CFAP52: variants seen among roughly 807,000 people sequenced by gnomAD.
CFAP52 encodes cilia- and flagella-associated protein 52.
Under a neutral mutation model 70.5 loss-of-function variants are expected in CFAP52, and 57 were observed. The ratio of observed to expected loss-of-function variants is 0.81; its 90% CI spans 0.65 to 1.01. CFAP52 has a LOEUF of 1.01. Ranked by LOEUF, CFAP52 falls within the 50% of genes least tolerant of loss-of-function variation. The pLI, the probability that CFAP52 is intolerant of heterozygous loss-of-function variation, is 0.00. For missense variants in CFAP52, 785 were observed against 788.5 expected (o/e 1.00, Z 0.05); for synonymous variants, 267 against 292.5 (o/e 0.91, Z 0.89).
Position 9,612,401 on chromosome 17 carries a change from G to T in CFAP52, c.947G>T (p.Arg316Leu), listed in dbSNP as rs1056801078. 1.2e-6 allele frequency: 2 copies of T among 1,614,178 alleles called. No homozygotes were observed. The highest frequency in any genetic ancestry group is 1.7e-5 in the Admixed American group (1 of 60,032). Residue 316 changes from arginine (R) to leucine (L), a missense_variant, in exon 8 of 14, where the codon CGT becomes CTT. Arg to Leu is a moderately radical substitution (Grantham distance 102). Transcript: ENST00000352665. ...LVGTEESHIY[R>L]VSFTDFKETL... ...GGAACAGAAGAATCGCACATTTATC[G>T]TGTCAGCTTCACGGATTTCAAAGAG...
chr17:9,604,740 ACT>A (rs1180582862), intron 6 of CFAP52, among the ~76,000 whole-genome samples: 6 of 148,074 alleles, frequency 4.1e-5, no homozygotes, highest in African/African-American at 5.0e-5. Flanking sequence ...ACACAGCAAG[ACT>A]CTGTCTCAAA....
At chr17:9,645,515 G>T (rs1459162274), downstream of CFAP52, 19 of 1,006,350 alleles carry the variant, frequency 1.9e-5, no homozygotes. The surrounding 1 kb of genome is among the most constrained non-coding windows in gnomAD (Gnocchi z 6.8). Context: ...CCCCGTCCCC[G>T]CACACCTGGC....
intron 1 of CFAP52, among the ~76,000 whole-genome samples, chr17:9,584,578 A>G (rs1908366350): frequency 7.6e-6 from 1 of 130,964 alleles, no homozygotes; most frequent in African/African-American, 2.7e-5. Context: ...AAAACACTTA[A>G]GATCAACTCT....
At position 9,594,312 on chromosome 17, in the gene CFAP52, CT is replaced by C; in HGVS notation, c.528del (p.Ala177LeufsTer28). 1 of 1,612,728 alleles carries C rather than the reference CT, an allele frequency of 6.2e-7. No individual in the cohort carries two copies. The part of the protein sequence containing the change: ...FSRCRDEMFM[T>X]AGNGTIRVWE... ...AGGTGCCGGGATGAGATGTTTATGA[CT>C]GCTGGAAAGTATGTGTCTGCGTTCG... On this transcript the variant is annotated frameshift_variant, in exon 4 of 14. Coordinates refer to ENST00000352665, the MANE Select transcript of CFAP52 (RefSeq NM_145054.5). LOFTEE classifies it high-confidence loss of function.
chr17:9,629,044 G>C (rs1233012667), intron 9 of CFAP52, among the ~76,000 whole-genome samples: 1 of 152,132 alleles, frequency 6.6e-6, no homozygotes, highest in Non-Finnish European at 1.5e-5. Flanking sequence ...CCACATTGCT[G>C]CATATAGCGT....
chr17:9,581,268 A>C (rs1908217400), intron 1 of CFAP52, among the ~76,000 whole-genome samples: 1 of 152,218 alleles, frequency 6.6e-6, no homozygotes, highest in Non-Finnish European at 1.5e-5. Flanking sequence ...CAGCATTGTG[A>C]ATGCACTAAA....
chr17:9,590,645 C>A (rs1413387135), intron 3 of CFAP52, among the ~76,000 whole-genome samples: 4 of 152,128 alleles, frequency 2.6e-5, no homozygotes, highest in Non-Finnish European at 5.9e-5. Context: ...GGCCATTAGG[C>A]CACCCCAATC....
In CFAP52 at chr17:9,611,818, C is replaced by T. The variant is rs73975744; in HGVS notation, c.855-491C>T. On this transcript the variant is annotated intron_variant, in intron 7 of 13. Coordinates refer to ENST00000352665, the MANE Select transcript of CFAP52 (RefSeq NM_145054.5). Reference sequence around the variant, plus strand: ...TTTTAAACTTTTTTTAGGCAAATATCCTATGAAGCTGATGTTCCATAGATC... The same window carrying T: ...TTTTAAACTTTTTTTAGGCAAATATTCTATGAAGCTGATGTTCCATAGATC... 4.1e-3 allele frequency among the ~76,000 whole-genome samples: 618 copies of T among 152,204 alleles called. 6 individuals are homozygous for T. Among genetic ancestry groups the T allele is most frequent in the African/African-American group, 0.014 (566 of 41,508 alleles).
At chr17:9,615,727 A>G (rs1021853020) in intron 8 of CFAP52, among the ~76,000 whole-genome samples, 1 of 151,258 alleles carries the variant, frequency 6.6e-6, no homozygotes, top group Non-Finnish European at 1.5e-5. Flanking sequence ...CTCCTGCCTT[A>G]ACCTCTGGAG....
intron 2 of CFAP52, 107 bp from the exon 3 acceptor site, chr17:9,586,591 A>G: frequency 7.2e-7 from 1 of 1,389,510 alleles, no homozygotes; most frequent in Non-Finnish European, 9.5e-7. Context: ...AAAAAGAAAG[A>G]AAAAAGAAAA....
Position 9,612,392 on chromosome 17 carries a change from A to T in CFAP52, c.938A>T (p.His313Leu). 6.2e-7 allele frequency: 1 copy of T among 1,614,220 alleles called. No homozygotes were observed. Among genetic ancestry groups the T allele is most frequent in the Non-Finnish European group, 8.5e-7 (1 of 1,180,026 alleles). ...TTTCTCGTAGGAACAGAAGAATCGC[A>T]CATTTATCGTGTCAGCTTCACGGAT... is the stretch of plus-strand genomic sequence containing the variant. The part of the protein sequence containing the change: ...HQFLVGTEES[H>L]IYRVSFTDFK... Residue 313 changes from histidine (H) to leucine (L), a missense_variant, in exon 8 of 14, where the codon CAC becomes CTC. Coordinates refer to ENST00000352665, the MANE Select transcript of CFAP52 (RefSeq NM_145054.5).
intron 13 of CFAP52, 52 bp from the exon 14 acceptor site, chr17:9,642,971 G>T: frequency 7.0e-7 from 1 of 1,438,488 alleles, no homozygotes; most frequent in East Asian, 2.5e-5. Flanking sequence ...AATCAGGGCT[G>T]TTTCTCTCTC....
rs576284692 is a variant in CFAP52, at chr17:9,632,983, G to A, written c.1270G>A (p.Ala424Thr). ...NAHRIGVTAI[A>T]TTSDCKRVIS... ...TCACAGGATCGGCGTCACCGCCATC[G>A]CCACCACCAGTGACTGTAAAAGGGT... Residue 424 changes from alanine (A) to threonine (T), a missense_variant, in exon 10 of 14, where the codon GCC becomes ACC. Transcript: ENST00000352665. The A allele has an allele frequency of 4.3e-5, 70 of 1,614,180 alleles. No individual in the cohort carries two copies. In the South Asian group the frequency reaches 5.6e-4, roughly 13 times the overall value.
chr17:9,638,373 A>G (rs889851028), intron 11 of CFAP52, among the ~76,000 whole-genome samples: 1 of 152,100 alleles, frequency 6.6e-6, no homozygotes, highest in African/African-American at 2.4e-5. Flanking sequence ...GGCCCTTCCC[A>G]TTGTCCTCTG....
At chr17:9,577,647 A>T (rs1908024430) in intron 1 of CFAP52, among the ~76,000 whole-genome samples, 1 of 152,244 alleles carries the variant, frequency 6.6e-6, no homozygotes, top group African/African-American at 2.4e-5. Context: ...GTTTAACTTT[A>T]ACAGTCTCCA....
At chr17:9,636,249 A>AAGAAAGAAAGAG (rs1567637259) in intron 11 of CFAP52, among the ~76,000 whole-genome samples, 2 of 116,244 alleles carry the variant, frequency 1.7e-5, no homozygotes, top group Non-Finnish European at 3.3e-5. Flanking sequence ...GAAAGAAAGA[A>AAGAAAGAAAGAG]AGAGAAAGAA....
chr17:9,601,331 C>T (rs1281756239), intron 6 of CFAP52, among the ~76,000 whole-genome samples: 1 of 151,692 alleles, frequency 6.6e-6, no homozygotes, highest in Non-Finnish European at 1.5e-5. Flanking sequence ...TTAATGGGTG[C>T]AGCACACCAA....
chr17:9,584,673 G>GT (rs1597761195), intron 1 of CFAP52, among the ~76,000 whole-genome samples: 1 of 152,062 alleles, frequency 6.6e-6, no homozygotes, highest in East Asian at 1.9e-4. Context: ...CCAGGCTGGA[G>GT]TGCAATAGTG....
intron 7 of CFAP52, among the ~76,000 whole-genome samples, chr17:9,611,008 G>T (rs1462803145): frequency 6.6e-6 from 1 of 152,204 alleles, no homozygotes; most frequent in East Asian, 1.9e-4. Context: ...GTAAACTGAG[G>T]CCAGAGGTTT....
Sources: allele counts gnomAD v4.1 joint callset (sites outside exome capture counted in the v4.1 genomes callset), GRCh38; gene constraint gnomAD v4.1.1; non-coding constraint Gnocchi (gnomAD v3.1); transcripts MANE v1.5; gene names NCBI Gene and HGNC (gene_info 2026-07-23, HGNC 2026-07-21).